Variants in TIMELESS observed in about 807,000 individuals in gnomAD.
TIMELESS encodes the protein timeless circadian regulator.
TIMELESS carries 124 observed loss-of-function variants against 164.3 expected under a neutral mutation model. The ratio of observed to expected loss-of-function variants is 0.75; its 90% CI spans 0.65 to 0.88. The LOEUF (loss-of-function observed/expected upper bound fraction) is 0.88. Among genes scored for constraint, TIMELESS ranks in the 40% least tolerant of loss-of-function variants. TIMELESS has a pLI of 0.00. For missense variants in TIMELESS, 1,422 were observed against 1,491.4 expected, an observed-to-expected ratio of 0.95 and a Z score of 0.77; for synonymous variants, 564 against 563.4, an observed-to-expected ratio of 1.00 and a Z score of -0.02.
At position 56,424,742 on chromosome 12, in the gene TIMELESS, T is replaced by A. The variant is rs776121856; in HGVS notation, c.1868+20A>T. ...CTCCTTCCCCCAAAGCCCAAGAGGA[T>A]GAGCAGGCAGGGTTCTTACCGAGCA... On this transcript the variant is annotated intron_variant, in intron 15 of 28. Transcript: ENST00000553532. 31 of 1,610,134 alleles carry A rather than the reference T, an allele frequency of 1.9e-5. No homozygotes were observed. The highest frequency in any genetic ancestry group is 2.6e-5 in the Non-Finnish European group (31 of 1,177,824).
At chr12:56,444,589 T>C (rs1868323145) in intron 1 of TIMELESS, among the ~76,000 whole-genome samples, 1 of 151,942 alleles carries the variant, frequency 6.6e-6, no homozygotes, top group Non-Finnish European at 1.5e-5. Context: ...ATCTCAAAAG[T>C]GTAGTGATGT....
intron 25 of TIMELESS, 54 bp downstream of exon 25, chr12:56,420,759 G>C: frequency 6.2e-7 from 1 of 1,613,132 alleles, no homozygotes; most frequent in Non-Finnish European, 8.5e-7. Context: ...TGACCAGGTA[G>C]GTCTCCAATA....
intron 7 of TIMELESS, 121 bp from the exon 8 acceptor site, chr12:56,431,725 G>A (rs1238182247): frequency 4.8e-6 from 6 of 1,253,250 alleles, no homozygotes; most frequent in Admixed American, 3.2e-5. Flanking sequence ...TTGTGCTGTC[G>A]TTCTCCCTTA....
Position 56,418,251 on chromosome 12 carries a change from G to A in TIMELESS, c.3337C>T (p.Pro1113Ser), listed in dbSNP as rs1169039206. 8 of 1,614,138 alleles carry A rather than the reference G, an allele frequency of 5.0e-6. No individual in the cohort carries two copies. The highest frequency in any genetic ancestry group is 4.2e-6 in the Non-Finnish European group (5 of 1,180,032). ...GAGCCTTGCTCTCCAGGGACTTTAG[G>A]CTGCAGCTCTGGCTGCAGCTTCTGT... ...EEQKLQPELQ[P>S]KVPGEQGSDE... The change falls in exon 27 of 29, where the codon CCT becomes TCT. Residue 1113 changes from proline (P) to serine (S), a missense_variant. Coordinates refer to ENST00000553532, the MANE Select transcript of TIMELESS (RefSeq NM_003920.5).
chr12:56,448,338 G>A (rs1222018437), intron 1 of TIMELESS, among the ~76,000 whole-genome samples: 5 of 151,882 alleles, frequency 3.3e-5, no homozygotes, highest in African/African-American at 4.8e-5. Flanking sequence ...CTGGGGAGGC[G>A]GAGGTTGCAG....
In TIMELESS at chr12:56,432,520, A is replaced by G. The variant is rs1261071133; in HGVS notation, c.536T>C (p.Ile179Thr). The G allele has an allele frequency of 3.7e-6, 6 of 1,613,716 alleles. No individual in the cohort carries two copies. Among genetic ancestry groups the G allele is most frequent in the Non-Finnish European group, 5.1e-6 (6 of 1,179,888 alleles). The change falls in exon 7 of 29, where the codon ATT (isoleucine) becomes ACT (threonine). Residue 179 changes from isoleucine to threonine, a missense_variant. Physicochemically the swap from Ile to Thr is moderately conservative, Grantham distance 89. Coordinates refer to ENST00000553532, the MANE Select transcript of TIMELESS (RefSeq NM_003920.5). ...GTCATGGGCACTGGCGTCATCATCAATCTTCTGAGCAGTGAGTGGTGAGGG... is the reference window on the plus strand; with the variant it reads ...GTCATGGGCACTGGCGTCATCATCAGTCTTCTGAGCAGTGAGTGGTGAGGG... ...VPADLDQEKKIDDDASAHDQL... is the reference protein window; with the variant it reads ...VPADLDQEKKTDDDASAHDQL...
At chr12:56,425,681 C>T (rs2136137352) in intron 13 of TIMELESS, among the ~76,000 whole-genome samples, 1 of 152,162 alleles carries the variant, frequency 6.6e-6, no homozygotes, top group Non-Finnish European at 1.5e-5. Context: ...TCAAGACCAG[C>T]CTGGGCAACA....
chr12:56,424,716 C>A, intron 15 of TIMELESS, 46 bp downstream of exon 15: 1 of 1,598,236 alleles, frequency 6.3e-7, no homozygotes, highest in South Asian at 1.1e-5. Flanking sequence ...GTGATGGCCT[C>A]CTCCTTCCCC....
At chr12:56,420,505 G>A in intron 26 of TIMELESS, 64 bp downstream of exon 26, 1 of 1,306,662 alleles carries the variant, frequency 7.7e-7, no homozygotes, top group South Asian at 1.2e-5. Context: ...GTGAGGAGGA[G>A]GAGGAGATGT....
At chr12:56,420,048 A>ATATATATATATATG (rs1473074484) in intron 26 of TIMELESS, among the ~76,000 whole-genome samples, 25 of 87,320 alleles carry the variant, frequency 2.9e-4, no homozygotes, top group African/African-American at 9.6e-4. Context: ...ATATATATAT[A>ATATATATATATATG]TGTGTGTGTG....
intron 1 of TIMELESS, among the ~76,000 whole-genome samples, chr12:56,435,004 T>A (rs1882024072): frequency 6.6e-6 from 1 of 152,134 alleles, no homozygotes. Flanking sequence ...ATTGCACCAC[T>A]ACACTCCAGC....
chr12:56,445,422 C>CAA (rs71081360), intron 1 of TIMELESS, among the ~76,000 whole-genome samples: 1,706 of 18,710 alleles, frequency 0.091, 451 homozygotes, highest in Non-Finnish European at 0.14. Flanking sequence ...AACTCCACGT[C>CAA]AAAAAAAAAA....
intron 9 of TIMELESS, 86 bp downstream of exon 9, chr12:56,430,795 G>C (rs1418915023): frequency 1.1e-6 from 1 of 889,204 alleles, no homozygotes; most frequent in Non-Finnish European, 1.7e-6. Context: ...TGAGCCACCA[G>C]GCACAGCCAA....
intron 1 of TIMELESS, among the ~76,000 whole-genome samples, chr12:56,444,853 G>A (rs548693006): frequency 9.9e-5 from 15 of 151,496 alleles, no homozygotes; most frequent in African/African-American, 3.6e-4. Context: ...ACTGTACGCG[G>A]CCTGATTGGG....
chr12:56,431,609 AT>A lies in TIMELESS; in HGVS notation c.688-6del. 1.2e-6 allele frequency: 2 copies of A among 1,609,106 alleles called. No individual in the cohort carries two copies. Among genetic ancestry groups the A allele is most frequent in the Non-Finnish European group, 1.7e-6 (2 of 1,178,824 alleles). On this transcript the variant is annotated splice_region_variant and splice_polypyrimidine_tract_variant and intron_variant, in intron 7 of 28. Transcript: ENST00000553532. ...TCCCGCCAGCTGCTCGGGGTTCTAGATTGGAACAAAGAGGGAAGAATCAGGA... is the reference window on the plus strand; with the variant it reads ...TCCCGCCAGCTGCTCGGGGTTCTAGATGGAACAAAGAGGGAAGAATCAGGA...
At chr12:56,425,694 G>A (rs562000368) in intron 13 of TIMELESS, among the ~76,000 whole-genome samples, 8 of 152,160 alleles carry the variant, frequency 5.3e-5, no homozygotes, top group Middle Eastern at 3.4e-3. Context: ...GGGCAACACA[G>A]CGAGACCCTG....
intron 26 of TIMELESS, 73 bp downstream of exon 26, chr12:56,420,496 T>TGAGGAG (rs1229623033): frequency 8.7e-7 from 1 of 1,146,384 alleles, no homozygotes; most frequent in Non-Finnish European, 1.3e-6. Context: ...ACCATGACAG[T>TGAGGAG]GAGGAGGAGG....
Position 56,423,658 on chromosome 12 carries a change from C to G in TIMELESS, c.2016G>C (p.Glu672Asp). 1 of 1,614,100 alleles carries G rather than the reference C, an allele frequency of 6.2e-7. No homozygotes were observed. The highest frequency in any genetic ancestry group is 1.1e-5 in the South Asian group (1 of 91,082). The change falls in exon 17 of 29, where the codon GAG becomes GAC. Residue 672 changes from glutamate (E) to aspartate (D), a missense_variant. Transcript: ENST00000553532. ...CTTGCAACTCCTCCTCTTCCTCCTC[C>G]TCCTCCTCTTCTTCTTCCTCTGCCC... ...ERGAEEEEEE[E>D]EEEEEELQVV...
At chr12:56,426,385 CTTTT>C (rs35546587) in intron 13 of TIMELESS, among the ~76,000 whole-genome samples, 28 of 137,080 alleles carry the variant, frequency 2.0e-4, no homozygotes, top group Non-Finnish European at 9.4e-5. Flanking sequence ...GGTACAAAAT[CTTTT>C]TTTTTTTTTT....
Sources: gnomAD v4.1 joint callset for allele counts (sites outside exome capture counted in the v4.1 genomes callset) on GRCh38, gnomAD v4.1.1 for gene constraint, MANE v1.5 for transcripts, NCBI Gene and HGNC (gene_info 2026-07-23, HGNC 2026-07-21) for gene names.